Variants in ANOS1 observed in about 807,000 individuals in gnomAD.
ANOS1 encodes anosmin 1, also known as anosmin-1.
Under a neutral mutation model 59.0 loss-of-function variants are expected in ANOS1, and 6 were observed. The ratio of observed to expected loss-of-function variants is 0.10; its 90% confidence interval spans 0.06 to 0.20. The LOEUF is 0.20. Ranked by LOEUF, ANOS1 falls within the 10% of genes least tolerant of loss-of-function variation. ANOS1 has a pLI of 1.00. For missense variants in ANOS1, 433 were observed against 542.3 expected, an observed-to-expected ratio of 0.80 and a Z score of 2.00; for synonymous variants, 217 against 223.4, an observed-to-expected ratio of 0.97 and a Z score of 0.25.
chrX:8,591,534 G>A (rs1052214095), intron 4 of ANOS1, among the ~76,000 whole-genome samples: 2 of 111,900 alleles, frequency 1.8e-5, no homozygotes, highest in Non-Finnish European at 3.8e-5. Context: ...AGCATTCAAG[G>A]ACCAACAGCC....
At chrX:8,693,777 C>T (rs1021039863) in intron 2 of ANOS1, among the ~76,000 whole-genome samples, 3 of 88,961 alleles carry the variant, frequency 3.4e-5, no homozygotes, top group Admixed American at 2.8e-4. Context: ...CTCACTCTGT[C>T]GCCAGGCTGG....
At chrX:8,627,666 T>C (rs1371854398) in intron 2 of ANOS1, among the ~76,000 whole-genome samples, 1 of 110,853 alleles carries the variant, frequency 9.0e-6, no homozygotes, top group Non-Finnish European at 1.9e-5. Context: ...TATACAATCA[T>C]CTGAGTAAAT....
chrX:8,667,812 G>A (rs977667403), intron 2 of ANOS1, among the ~76,000 whole-genome samples: 13 of 111,199 alleles, frequency 1.2e-4, no homozygotes, highest in African/African-American at 3.3e-4. Flanking sequence ...CTGCCTGGCC[G>A]AGAAGGGTAA....
At chrX:8,535,895 C>G in intron 11 of ANOS1, 84 bp from the exon 12 acceptor site, 4 of 745,391 alleles carry the variant, frequency 5.4e-6, no homozygotes, top group Non-Finnish European at 2.1e-6. Context: ...TTTTCAGCGG[C>G]CAGTCTATGG....
chrX:8,579,727 C>A (rs1462074002), intron 6 of ANOS1, among the ~76,000 whole-genome samples: 1 of 111,372 alleles, frequency 9.0e-6, no homozygotes, highest in African/African-American at 3.3e-5. Flanking sequence ...CGCCAGCATG[C>A]AGACCAGATA....
At chrX:8,554,480 C>T (rs1282722069) in intron 8 of ANOS1, among the ~76,000 whole-genome samples, 1 of 109,524 alleles carries the variant, frequency 9.1e-6, no homozygotes, top group African/African-American at 3.3e-5. Context: ...CACCGCCAGG[C>T]CCCTGAGTTT....
At chrX:8,555,177 C>A (rs1400856452) in intron 8 of ANOS1, among the ~76,000 whole-genome samples, 1 of 111,386 alleles carries the variant, frequency 9.0e-6, no homozygotes. Context: ...TTTTTTGAAA[C>A]CAATGAGAAC....
rs141683524 is a variant in ANOS1, at chrX:8,610,498, G to A, written c.318+13110C>T. Among the ~76,000 whole-genome samples, 4 of 112,235 alleles carry A rather than the reference G, an allele frequency of 3.6e-5. No homozygotes were observed. In the East Asian group the frequency reaches 1.1e-3, roughly 32 times the overall value. On this transcript the variant is annotated intron_variant, in intron 3 of 13. Transcript: ENST00000262648. Reference sequence around the variant, plus strand: ...GATGGCCAGATCTTGTGGGCAGACTGTAAAGCAGGATGAAACTGCATGAAG... The same window carrying A: ...GATGGCCAGATCTTGTGGGCAGACTATAAAGCAGGATGAAACTGCATGAAG...
chrX:8,598,214 G>A (rs1171274647), intron 3 of ANOS1, among the ~76,000 whole-genome samples: 1 of 111,718 alleles, frequency 9.0e-6, no homozygotes, highest in African/African-American at 3.3e-5. Flanking sequence ...ACACAGTTGG[G>A]GTCTGAACAG....
At chrX:8,547,649 G>A (rs756766089) in intron 9 of ANOS1, among the ~76,000 whole-genome samples, 5 of 110,875 alleles carry the variant, frequency 4.5e-5, no homozygotes, top group African/African-American at 6.7e-5. Context: ...GCATAAAGTC[G>A]GTAATTTGTG....
chrX:8,587,772 A>T (rs376710914), intron 5 of ANOS1, 22 bp downstream of exon 5: 6 of 1,173,256 alleles, frequency 5.1e-6, no homozygotes. Flanking sequence ...GATGAAAATC[A>T]AAGTCTATAT....
intron 1 of ANOS1, among the ~76,000 whole-genome samples, chrX:8,702,664 G>A (rs73199067): frequency 0.058 from 6,457 of 112,007 alleles, 216 homozygotes; most frequent in African/African-American, 0.12. Context: ...GGGTTTCATA[G>A]TTAAAGCTTC....
intron 2 of ANOS1, among the ~76,000 whole-genome samples, chrX:8,636,092 T>C (rs1292199753): frequency 8.9e-6 from 1 of 112,054 alleles, no homozygotes; most frequent in African/African-American, 3.2e-5. Flanking sequence ...TGTGACAAGT[T>C]GAATGGAGAT....
intron 1 of ANOS1, among the ~76,000 whole-genome samples, chrX:8,726,012 G>A (rs553759248): frequency 3.6e-5 from 4 of 110,122 alleles, no homozygotes; most frequent in African/African-American, 9.9e-5. Flanking sequence ...AAACTGCATC[G>A]AGTCGTGGTT....
chrX:8,695,629 T>C (rs1400079747), intron 2 of ANOS1, among the ~76,000 whole-genome samples: 3 of 106,098 alleles, frequency 2.8e-5, no homozygotes, highest in East Asian at 2.9e-4. Context: ...AGAGAAAATA[T>C]GGCTCATTTG....
intron 5 of ANOS1, 78 bp downstream of exon 5, chrX:8,587,716 C>A (rs1396512579): frequency 3.9e-6 from 3 of 776,685 alleles, no homozygotes; most frequent in Admixed American, 2.7e-5. Context: ...TGAGGCATAG[C>A]AAGTTAATTT....
At chrX:8,659,584 GCCTTCCTTCCTT>G (rs201790891) in intron 2 of ANOS1, among the ~76,000 whole-genome samples, 9,445 of 57,608 alleles carry the variant, frequency 0.16, 648 homozygotes, top group Admixed American at 0.24. Flanking sequence ...TTGCTTGCTT[GCCTTCCTTCCTT>G]CCTTCCTTCC....
intron 2 of ANOS1, among the ~76,000 whole-genome samples, chrX:8,629,953 C>T (rs990018050): frequency 8.9e-6 from 1 of 112,198 alleles, no homozygotes; most frequent in African/African-American, 3.2e-5. Flanking sequence ...GAATTAGCAA[C>T]AAATTAGCTA....
chrX:8,709,617 G>T (rs1007992923), intron 1 of ANOS1, among the ~76,000 whole-genome samples: 12 of 111,931 alleles, frequency 1.1e-4, no homozygotes, highest in Non-Finnish European at 1.7e-4. Flanking sequence ...GACATGATGC[G>T]AATATTTATC....
Sources: gnomAD v4.1 joint callset for allele counts (sites outside exome capture counted in the v4.1 genomes callset) on GRCh38, gnomAD v4.1.1 for gene constraint, MANE v1.5 for transcripts, NCBI Gene and HGNC (gene_info 2026-07-23, HGNC 2026-07-21) for gene names.